TBXAS1: variants seen among roughly 807,000 people sequenced by gnomAD.
TBXAS1 encodes the protein thromboxane-A synthase.
In TBXAS1, 48 loss-of-function variants were observed where a neutral mutation model predicts 60.7. That is an observed-to-expected ratio of 0.79 (90% confidence interval 0.63 to 1.01). TBXAS1 has a LOEUF of 1.01. TBXAS1 is among the 50% of genes least tolerant of loss of function. The probability of loss-of-function intolerance (pLI) is 0.00; values close to 1 mark genes in which losing one functional copy is unlikely to be tolerated. For synonymous variants in TBXAS1, 287 were observed against 269.7 expected, an observed-to-expected ratio of 1.06 and a Z score of -0.63; for missense variants, 685 against 686.3, an observed-to-expected ratio of 1.00 and a Z score of 0.02.
At chr7:139,845,124 A>T (rs1440251085) in intron 1 of TBXAS1, among the ~76,000 whole-genome samples, 1 of 152,102 alleles carries the variant, frequency 6.6e-6, no homozygotes, top group Non-Finnish European at 1.5e-5. Context: ...GAGGACTTCA[A>T]AATCACTCCT....
intron 4 of TBXAS1, among the ~76,000 whole-genome samples, chr7:139,803,610 CT>C (rs1370180914): frequency 1.3e-5 from 2 of 152,162 alleles, no homozygotes; most frequent in Non-Finnish European, 2.9e-5. Flanking sequence ...AGCCCCTCCC[CT>C]CACAGGCCCA....
chr7:139,809,153 G>GTAGATAGA (rs60399618), intron 4 of TBXAS1, among the ~76,000 whole-genome samples: 2,115 of 150,144 alleles, frequency 0.014, 45 homozygotes, highest in African/African-American at 0.042. Flanking sequence ...TAGGAGATAG[G>GTAGATAGA]TAGATAGATA....
At chr7:139,871,716 G>A (rs532309721) in intron 1 of TBXAS1, among the ~76,000 whole-genome samples, 17 of 152,204 alleles carry the variant, frequency 1.1e-4, no homozygotes, top group African/African-American at 3.9e-4. Context: ...CCTTCCCTCC[G>A]TTCCTATTTT....
chr7:139,822,080 A>T (rs1476760468), intron 4 of TBXAS1, among the ~76,000 whole-genome samples: 1 of 152,136 alleles, frequency 6.6e-6, no homozygotes, highest in Non-Finnish European at 1.5e-5. Flanking sequence ...AGTTATCACC[A>T]CTTCACAAAT....
At chr7:139,900,866 G>A (rs1003462927) in intron 3 of TBXAS1, among the ~76,000 whole-genome samples, 9 of 152,176 alleles carry the variant, frequency 5.9e-5, no homozygotes, top group Admixed American at 6.5e-5. Flanking sequence ...TCCCAATGAA[G>A]GATCCATACC....
In TBXAS1 at chr7:139,797,168, A is replaced by G. The variant is rs556378100; in HGVS notation, c.-80+9742A>G. 7 of 152,360 alleles carry G rather than the reference A, an allele frequency of 4.6e-5. No individual in the cohort carries two copies. In the South Asian group the frequency reaches 1.5e-3, roughly 32 times the overall value. 9.4% of individuals were successfully genotyped at this position (152,360 alleles called of 1,614,324 possible). On this transcript the variant is annotated intron_variant, in intron 4 of 16. Transcript: ENST00000336425. ...CCTACCTAGACCTTGCTGCCATTTAAAAGAGTTCTTTCTTCTTTGTCTGTT... is the reference window on the plus strand; with the variant it reads ...CCTACCTAGACCTTGCTGCCATTTAGAAGAGTTCTTTCTTCTTTGTCTGTT...
At chr7:139,892,633 A>G (rs1803719108) in intron 3 of TBXAS1, among the ~76,000 whole-genome samples, 1 of 152,062 alleles carries the variant, frequency 6.6e-6, no homozygotes, top group South Asian at 2.1e-4. Flanking sequence ...AAAACAAAAC[A>G]AACAAAAAAA....
chr7:139,784,255 CCTTCCTTT>C (rs1376136440), intron 3 of TBXAS1, among the ~76,000 whole-genome samples: 78 of 147,226 alleles, frequency 5.3e-4, no homozygotes, highest in African/African-American at 2.0e-3. Flanking sequence ...TTCCTTCCTT[CCTTCCTTT>C]CTTTCTTCCT....
intron 3 of TBXAS1, among the ~76,000 whole-genome samples, chr7:139,898,682 C>G (rs779307408): frequency 6.6e-6 from 1 of 152,096 alleles, no homozygotes; most frequent in Non-Finnish European, 1.5e-5. Context: ...CCTGATGCCC[C>G]GTTGGGGCAC....
intron 2 of TBXAS1, among the ~76,000 whole-genome samples, chr7:139,873,198 A>G (rs1247876241): frequency 6.6e-6 from 1 of 152,214 alleles, no homozygotes; most frequent in Non-Finnish European, 1.5e-5. Flanking sequence ...TGAGAATGAC[A>G]GCACAGGTTG....
intron 9 of TBXAS1, among the ~76,000 whole-genome samples, chr7:139,986,532 C>A (rs562127140): frequency 6.6e-6 from 1 of 151,472 alleles, no homozygotes; most frequent in Admixed American, 6.6e-5. Context: ...CCTCTCCCCC[C>A]AAGTTTCCAA....
At chr7:139,866,588 T>TAAAA (rs574216852) in intron 1 of TBXAS1, among the ~76,000 whole-genome samples, 2 of 121,266 alleles carry the variant, frequency 1.6e-5, no homozygotes, top group Admixed American at 8.6e-5. Context: ...ACCCTGTTTC[T>TAAAA]AAAAAAAAAA....
intron 5 of TBXAS1, 66 bp from the exon 6 acceptor site, chr7:139,953,302 T>C: frequency 2.2e-6 from 3 of 1,355,040 alleles, no homozygotes; most frequent in Non-Finnish European, 3.2e-6. Flanking sequence ...AACCTCTTCA[T>C]CTGCAGCCAA....
intron 9 of TBXAS1, among the ~76,000 whole-genome samples, chr7:139,996,965 T>C (rs749052753): frequency 6.6e-6 from 1 of 152,234 alleles, no homozygotes; most frequent in Admixed American, 6.5e-5. Flanking sequence ...CTTATTGACC[T>C]ATTTCCCAAC....
chr7:139,842,878 G>GCCCCTTT (rs1799555056), intron 1 of TBXAS1, among the ~76,000 whole-genome samples: 1 of 152,180 alleles, frequency 6.6e-6, no homozygotes, highest in Middle Eastern at 3.2e-3. Context: ...AAAGAGGCCG[G>GCCCCTTT]CCCCTTTTTT....
At chr7:139,845,962 C>T (rs41709) in intron 1 of TBXAS1, among the ~76,000 whole-genome samples, 6 of 151,790 alleles carry the variant, frequency 4.0e-5, no homozygotes, top group African/African-American at 7.3e-5. Flanking sequence ...GTAGCTGGGA[C>T]TACAAGCGAG....
chr7:139,891,717 A>T (rs765838897), intron 3 of TBXAS1, among the ~76,000 whole-genome samples: 7 of 152,238 alleles, frequency 4.6e-5, no homozygotes, highest in Non-Finnish European at 1.0e-4. Flanking sequence ...TGACTGACAC[A>T]TAATAGATGC....
chr7:140,019,006 G>T (rs1032123941), intron 12 of TBXAS1, among the ~76,000 whole-genome samples: 3 of 152,154 alleles, frequency 2.0e-5, no homozygotes, highest in Admixed American at 6.6e-5. Flanking sequence ...GCTGTCCCCT[G>T]CACCTATCCT....
chr7:139,936,281 G>C lies in TBXAS1; in HGVS notation c.424G>C (p.Ala142Pro). 6.2e-7 allele frequency: 1 copy of C among 1,614,192 alleles called. No homozygotes were observed. Among genetic ancestry groups the C allele is most frequent in the Non-Finnish European group, 8.5e-7 (1 of 1,180,036 alleles). Residue 142 changes from alanine (A) to proline (P), a missense_variant, in exon 5 of 13, where the codon GCT becomes CCT. By Grantham distance (27) the Ala-to-Pro change is conservative (BLOSUM62 -1). Transcript: ENST00000448866. ...AGAGGTCAGAGGTGCCCTGATGTCTGCTTTCAGTCCTGAAAAGCTGAACGA... is the reference window on the plus strand; with the variant it reads ...AGAGGTCAGAGGTGCCCTGATGTCTCCTTTCAGTCCTGAAAAGCTGAACGA... ...WEEVRGALMS[A>P]FSPEKLNEMV...
Sources: allele counts gnomAD v4.1 joint callset (sites outside exome capture counted in the v4.1 genomes callset), GRCh38; gene constraint gnomAD v4.1.1; transcripts MANE v1.5; gene names NCBI Gene and HGNC (gene_info 2026-07-23, HGNC 2026-07-21).